DIP2C: variants seen among roughly 807,000 people sequenced by gnomAD.
The protein encoded by DIP2C is DIP2 acetate--CoA ligase C (putative), also known as disco-interacting protein 2 homolog C.
A neutral mutation model predicts 192.4 loss-of-function variants in DIP2C; 33 were observed. That is an observed-to-expected ratio of 0.17 (90% CI 0.13 to 0.23). The LOEUF (loss-of-function observed/expected upper bound fraction) is 0.23. Ranked by LOEUF, DIP2C falls within the 10% of genes least tolerant of loss-of-function variation. The pLI, the probability that DIP2C is intolerant of heterozygous loss-of-function variation, is 1.00. For synonymous variants in DIP2C, 979 were observed against 864.1 expected (o/e 1.13, Z -2.33); for missense variants, 1,537 against 2,110.1 (o/e 0.73, Z 5.32).
At chr10:537,595 GCACCCAGGA>G (rs1392299442) in intron 1 of DIP2C, among the ~76,000 whole-genome samples, 1 of 151,480 alleles carries the variant, frequency 6.6e-6, no homozygotes, top group Non-Finnish European at 1.5e-5. Context: ...TGTGCCCAGG[GCACCCAGGA>G]CACGGGTATC....
intron 1 of DIP2C, among the ~76,000 whole-genome samples, chr10:561,742 G>C (rs1276851934): frequency 6.6e-6 from 1 of 151,988 alleles, no homozygotes; most frequent in African/African-American, 2.4e-5. Context: ...CTGCCAGGAA[G>C]GGAAGACTCC....
chr10:600,794 G>C (rs1038844715), intron 1 of DIP2C, among the ~76,000 whole-genome samples: 1 of 152,194 alleles, frequency 6.6e-6, no homozygotes, highest in Non-Finnish European at 1.5e-5. Flanking sequence ...ACACTGATTG[G>C]CACCAAGTAA....
chr10:653,246 T>C (rs901996149), intron 1 of DIP2C, among the ~76,000 whole-genome samples: 1 of 152,058 alleles, frequency 6.6e-6, no homozygotes, highest in Non-Finnish European at 1.5e-5. Flanking sequence ...GTCAGGAGTT[T>C]GAGACCAGCC....
At chr10:491,537 C>A (rs565760269) in intron 1 of DIP2C, among the ~76,000 whole-genome samples, 40 of 152,320 alleles carry the variant, frequency 2.6e-4, no homozygotes, top group Non-Finnish European at 5.3e-4. Flanking sequence ...CTCGCCTGCA[C>A]TGGGGACAGG....
At chr10:412,383 A>T (rs1356080459) in intron 8 of DIP2C, among the ~76,000 whole-genome samples, 2 of 152,238 alleles carry the variant, frequency 1.3e-5, no homozygotes, top group African/African-American at 4.8e-5. Flanking sequence ...GTCATGCAGC[A>T]GCGACTCCAA....
At chr10:376,338 C>T (rs889330004) in intron 17 of DIP2C, among the ~76,000 whole-genome samples, 1 of 152,092 alleles carries the variant, frequency 6.6e-6, no homozygotes, top group Non-Finnish European at 1.5e-5. Flanking sequence ...CCCACCTCGG[C>T]CCCCGACGGA....
chr10:456,867 A>T (rs1279042841), intron 3 of DIP2C, among the ~76,000 whole-genome samples: 1 of 152,218 alleles, frequency 6.6e-6, no homozygotes, highest in Non-Finnish European at 1.5e-5. Context: ...TGAAGGCAAG[A>T]AGATTTTATT....
At chr10:310,764 C>T (rs1423308868) in intron 31 of DIP2C, among the ~76,000 whole-genome samples, 1 of 152,178 alleles carries the variant, frequency 6.6e-6, no homozygotes, top group Non-Finnish European at 1.5e-5. Context: ...AAAAATTACA[C>T]CATGCTGACT....
At chr10:655,355 G>A (rs1212864486) in intron 1 of DIP2C, among the ~76,000 whole-genome samples, 1 of 152,208 alleles carries the variant, frequency 6.6e-6, no homozygotes, top group Non-Finnish European at 1.5e-5. Flanking sequence ...GAGCTAAAGA[G>A]CAAAAATCCT....
At chr10:337,583 G>A (rs1278744254) in intron 29 of DIP2C, among the ~76,000 whole-genome samples, 1 of 129,416 alleles carries the variant, frequency 7.7e-6, no homozygotes, top group Non-Finnish European at 1.6e-5. Flanking sequence ...CTAGGCTGAT[G>A]TGTGTGTGTG....
chr10:583,736 C>T (rs894589467), intron 1 of DIP2C, among the ~76,000 whole-genome samples: 2 of 152,164 alleles, frequency 1.3e-5, no homozygotes, highest in Non-Finnish European at 2.9e-5. Context: ...AAAGAACACC[C>T]GATGCAGAAA....
At position 276,724 on chromosome 10, in the gene DIP2C, A is replaced by AG. The variant is rs1954538260; in HGVS notation, c.*600dup. On this transcript the variant is annotated 3_prime_UTR_variant, in exon 37 of 37. Coordinates refer to ENST00000280886, the MANE Select transcript of DIP2C (RefSeq NM_014974.3). Reference sequence around the variant, plus strand: ...TCTTCTCATTCTATACTAACTTCGAAGGCCGTATACCAGCCTTTGTTTCTT... The same window carrying AG: ...TCTTCTCATTCTATACTAACTTCGAAGGGCCGTATACCAGCCTTTGTTTCTT... 1.3e-5 allele frequency: 2 copies of AG among 152,814 alleles called. No individual in the cohort carries two copies. The highest frequency in any genetic ancestry group is 4.8e-5 in the African/African-American group (2 of 41,460). 9.5% of individuals were successfully genotyped at this position (152,814 alleles called of 1,614,324 possible).
intron 29 of DIP2C, among the ~76,000 whole-genome samples, chr10:331,103 G>A (rs537842494): frequency 1.3e-5 from 2 of 151,414 alleles, no homozygotes; most frequent in Non-Finnish European, 1.5e-5. Context: ...GGCATGAGCT[G>A]CCATAAGAGG....
At chr10:388,787 G>A (rs1446920974) in intron 13 of DIP2C, among the ~76,000 whole-genome samples, 2 of 152,244 alleles carry the variant, frequency 1.3e-5, no homozygotes, top group Non-Finnish European at 2.9e-5. Flanking sequence ...AGCGGCAGAT[G>A]CCACCACGGC....
At chr10:450,586 T>C (rs1968771034) in intron 3 of DIP2C, among the ~76,000 whole-genome samples, 1 of 152,180 alleles carries the variant, frequency 6.6e-6, no homozygotes, top group Admixed American at 6.5e-5. Context: ...ACACACACTT[T>C]GTTGGTGATC....
chr10:544,972 T>TA (rs1241627316), intron 1 of DIP2C, among the ~76,000 whole-genome samples: 1 of 152,138 alleles, frequency 6.6e-6, no homozygotes, highest in Non-Finnish European at 1.5e-5. Context: ...AAGGAACCAT[T>TA]GCTTAATTCA....
intron 17 of DIP2C, among the ~76,000 whole-genome samples, chr10:381,021 G>C (rs920449534): frequency 2.6e-5 from 4 of 152,210 alleles, no homozygotes; most frequent in African/African-American, 9.6e-5. Context: ...TGTGTTGGTG[G>C]AAACGCAAGT....
intron 2 of DIP2C, among the ~76,000 whole-genome samples, chr10:479,230 T>G (rs970368128): frequency 6.6e-6 from 1 of 151,840 alleles, no homozygotes; most frequent in South Asian, 2.1e-4. Flanking sequence ...AGAAATTTAA[T>G]AATTTTCCTT....
chr10:428,353 A>G (rs910381299), intron 4 of DIP2C, among the ~76,000 whole-genome samples: 1 of 152,132 alleles, frequency 6.6e-6, no homozygotes, highest in Non-Finnish European at 1.5e-5. Context: ...CTGATAACAT[A>G]TTCTCTCAGC....
Sources: allele counts gnomAD v4.1 joint callset (sites outside exome capture counted in the v4.1 genomes callset), GRCh38; gene constraint gnomAD v4.1.1; transcripts MANE v1.5; gene names NCBI Gene and HGNC (gene_info 2026-07-23, HGNC 2026-07-21).